The following BBS9 variants were observed in gnomAD, a reference collection of about 807,000 sequenced individuals.
BBS9 encodes the protein protein PTHB1.
Under a neutral mutation model 117.7 loss-of-function variants are expected in BBS9, and 89 were observed. That is an observed-to-expected ratio of 0.76 (90% CI 0.64 to 0.90). The LOEUF (loss-of-function observed/expected upper bound fraction) is 0.90, where lower values mean the gene tolerates loss of function less well. Ranked by LOEUF, BBS9 falls within the 40% of genes least tolerant of loss-of-function variation. BBS9 has a pLI of 0.00. For missense variants in BBS9, 982 were observed against 1,042.2 expected (o/e 0.94, Z 0.80); for synonymous variants, 379 against 370.9 (o/e 1.02, Z -0.25).
chr7:33,627,190 GC>G lies in BBS9; in HGVS notation c.2522-7986del, dbSNP rs1424230433. ...CCCAGCCATTCCAGCCCCAGCTGTG[GC>G]TAAAAGGGTCCCAGATACATCTAGG... On this transcript the variant is annotated intron_variant, in intron 21 of 21. Transcript: ENST00000671952. 2.0e-5 allele frequency among the ~76,000 whole-genome samples: 3 copies of G among 152,240 alleles called. No homozygotes were observed. The South Asian group carries it at 6.2e-4, about 31-fold the overall frequency.
chr7:33,269,472 A>C (rs1583993814), intron 7 of BBS9, among the ~76,000 whole-genome samples: 1 of 152,006 alleles, frequency 6.6e-6, no homozygotes, highest in East Asian at 1.9e-4. Flanking sequence ...AGGAGACAAG[A>C]CCCTTGGCTC....
chr7:33,529,624 C>T (rs1054798462), intron 20 of BBS9, among the ~76,000 whole-genome samples: 21 of 152,056 alleles, frequency 1.4e-4, no homozygotes, highest in Non-Finnish European at 2.8e-4. Flanking sequence ...CTCCCATCCC[C>T]TTCCCTTCCC....
At chr7:33,581,251 T>C (rs949744317) in intron 21 of BBS9, among the ~76,000 whole-genome samples, 1 of 152,184 alleles carries the variant, frequency 6.6e-6, no homozygotes, top group South Asian at 2.1e-4. Context: ...AAGTAGTTTT[T>C]CTAGTAGAAT....
At chr7:33,611,660 A>G (rs1345971753) in intron 21 of BBS9, among the ~76,000 whole-genome samples, 2 of 132,646 alleles carry the variant, frequency 1.5e-5, no homozygotes, top group Non-Finnish European at 3.1e-5. Flanking sequence ...TTATATATTA[A>G]ATGATTGATA....
intron 19 of BBS9, among the ~76,000 whole-genome samples, chr7:33,454,924 G>C (rs1838417657): frequency 6.6e-6 from 1 of 152,162 alleles, no homozygotes; most frequent in Admixed American, 6.5e-5. Flanking sequence ...AAAAGTCAGA[G>C]CCCAAGGCAA....
intron 21 of BBS9, among the ~76,000 whole-genome samples, chr7:33,593,346 T>C (rs1011599234): frequency 6.6e-6 from 1 of 152,156 alleles, no homozygotes; most frequent in African/African-American, 2.4e-5. Context: ...ATGGCCTTGT[T>C]AACATGTGTA....
chr7:33,413,964 C>T (rs1435719328), intron 19 of BBS9, among the ~76,000 whole-genome samples: 5 of 151,928 alleles, frequency 3.3e-5, no homozygotes, highest in African/African-American at 1.2e-4. Flanking sequence ...TCAGAGGTTG[C>T]GGTGAGCTGA....
intron 19 of BBS9, chr7:33,390,294 T>C (rs1005732513): frequency 1.0e-6 from 1 of 985,220 alleles, no homozygotes; most frequent in Non-Finnish European, 1.2e-6. Flanking sequence ...TTTAATGCTT[T>C]CCAGATTTTC....
intron 21 of BBS9, among the ~76,000 whole-genome samples, chr7:33,534,974 C>T (rs534179298): frequency 6.6e-6 from 1 of 152,304 alleles, no homozygotes; most frequent in African/African-American, 2.4e-5. Context: ...TTCCTTCTTA[C>T]ATGCCTTTTC....
intron 21 of BBS9, among the ~76,000 whole-genome samples, chr7:33,625,519 T>C (rs563212174): frequency 6.6e-6 from 1 of 152,206 alleles, no homozygotes; most frequent in Non-Finnish European, 1.5e-5. Context: ...TGACTACTGA[T>C]CCTCTGGATT....
At chr7:33,147,635 C>T (rs774932414) in intron 2 of BBS9, among the ~76,000 whole-genome samples, 52 of 152,144 alleles carry the variant, frequency 3.4e-4, no homozygotes, top group Non-Finnish European at 7.2e-4. Flanking sequence ...AGAGTCATGC[C>T]ACAGAAATAC....
chr7:33,550,563 C>T (rs979258951), intron 21 of BBS9, among the ~76,000 whole-genome samples: 2 of 152,074 alleles, frequency 1.3e-5, no homozygotes, highest in Non-Finnish European at 2.9e-5. Context: ...CACTACTCAG[C>T]CACAACACGC....
chr7:33,555,097 G>GT (rs1237980146), intron 21 of BBS9, among the ~76,000 whole-genome samples: 1 of 152,162 alleles, frequency 6.6e-6, no homozygotes, highest in Non-Finnish European at 1.5e-5. Flanking sequence ...TTAAACCTGT[G>GT]TTGCTAACTT....
At chr7:33,476,965 AAATT>A (rs748817822) in intron 19 of BBS9, among the ~76,000 whole-genome samples, 7 of 152,176 alleles carry the variant, frequency 4.6e-5, no homozygotes, top group Non-Finnish European at 1.0e-4. Flanking sequence ...AAAAGTTGGT[AAATT>A]ATTTCACCTG....
intron 16 of BBS9, 84 bp from the exon 17 acceptor site, chr7:33,367,683 G>C: frequency 1.9e-6 from 2 of 1,061,348 alleles, no homozygotes. Context: ...TAAAAAACAC[G>C]CATCATTCAA....
chr7:33,531,042 C>G (rs1273024006), intron 20 of BBS9, among the ~76,000 whole-genome samples: 2 of 152,100 alleles, frequency 1.3e-5, no homozygotes, highest in African/African-American at 4.8e-5. Flanking sequence ...GTCAGGAGTT[C>G]AAGACCAGCC....
At chr7:33,613,466 G>T (rs531854424) in intron 21 of BBS9, among the ~76,000 whole-genome samples, 2 of 152,080 alleles carry the variant, frequency 1.3e-5, no homozygotes, top group South Asian at 2.1e-4. Flanking sequence ...TGGTACAGGG[G>T]TTTTTCAGAC....
At chr7:33,507,937 T>C in intron 20 of BBS9, among the ~76,000 whole-genome samples, 1 of 152,228 alleles carries the variant, frequency 6.6e-6, no homozygotes, top group East Asian at 1.9e-4. Flanking sequence ...TTATTTGCTA[T>C]TTTATGTTCT....
At chr7:33,231,635 G>T (rs1355060582) in intron 5 of BBS9, among the ~76,000 whole-genome samples, 1 of 151,428 alleles carries the variant, frequency 6.6e-6, no homozygotes, top group Non-Finnish European at 1.5e-5. Context: ...TTTGGATTTT[G>T]GACCCTTTAT....
Sources: allele counts gnomAD v4.1 joint callset (sites outside exome capture counted in the v4.1 genomes callset), GRCh38; gene constraint gnomAD v4.1.1; transcripts MANE v1.5; gene names NCBI Gene and HGNC (gene_info 2026-07-23, HGNC 2026-07-21).